TMOD1: variants seen among roughly 807,000 people sequenced by gnomAD.
The protein encoded by TMOD1 is tropomodulin 1, also known as tropomodulin-1.
A neutral mutation model predicts 40.6 loss-of-function variants in TMOD1; 17 were observed. That is an observed-to-expected ratio of 0.42 (90% CI 0.29 to 0.63). The LOEUF is 0.63. Ranked by LOEUF, TMOD1 falls within the 20% of genes least tolerant of loss-of-function variation. The pLI, the probability that TMOD1 is intolerant of heterozygous loss-of-function variation, is 0.22. For synonymous variants in TMOD1, 181 were observed against 175.0 expected (o/e 1.03, Z -0.27); for missense variants, 391 against 447.6 (o/e 0.87, Z 1.14).
At chr9:97,589,791 A>T (rs748261325) in intron 8 of TMOD1, among the ~76,000 whole-genome samples, 1 of 152,130 alleles carries the variant, frequency 6.6e-6, no homozygotes, top group Non-Finnish European at 1.5e-5. Flanking sequence ...TCTTGGAGGG[A>T]AAGCTTTCAG....
chr9:97,523,443 GAGA>G (rs1287435429), intron 1 of TMOD1, among the ~76,000 whole-genome samples: 3 of 152,214 alleles, frequency 2.0e-5, no homozygotes, highest in East Asian at 3.9e-4. Context: ...TGACTCCGCA[GAGA>G]AGGTCTGCAG....
chr9:97,553,507 A>G lies in TMOD1; in HGVS notation c.397+107A>G, dbSNP rs1830484441. 2.1e-6 allele frequency: 3 copies of G among 1,456,744 alleles called. No homozygotes were observed. The East Asian group carries it at 6.9e-5, about 34-fold the overall frequency. 90.2% of individuals were successfully genotyped at this position (1,456,744 alleles called of 1,614,324 possible). On this transcript the variant is annotated intron_variant, in intron 4 of 9. Coordinates refer to ENST00000259365, the MANE Select transcript of TMOD1 (RefSeq NM_003275.4). Reference sequence around the variant, plus strand: ...AGCATGAACACCTTCTCTATTTCTAACAAGAACTAGAGGAGACCGAGAGTG... The same window carrying G: ...AGCATGAACACCTTCTCTATTTCTAGCAAGAACTAGAGGAGACCGAGAGTG...
chr9:97,517,282 G>A (rs1469146770), intron 1 of TMOD1, among the ~76,000 whole-genome samples: 1 of 152,084 alleles, frequency 6.6e-6, no homozygotes, highest in Non-Finnish European at 1.5e-5. Context: ...CCTGGGAGCT[G>A]GAGGCTGCAA....
At chr9:97,547,173 T>C (rs779459359) in intron 3 of TMOD1, among the ~76,000 whole-genome samples, 1 of 152,072 alleles carries the variant, frequency 6.6e-6, no homozygotes, top group Non-Finnish European at 1.5e-5. Context: ...TCCCTGACCA[T>C]CCATTCTAAG....
intron 6 of TMOD1, 148 bp from the exon 7 acceptor site, chr9:97,565,700 G>A (rs973948053): frequency 5.7e-5 from 36 of 633,230 alleles, no homozygotes; most frequent in Middle Eastern, 3.8e-4. Context: ...GATTTCAGTC[G>A]TCCGGGACAA....
At chr9:97,521,735 G>A (rs1215444067) in intron 1 of TMOD1, among the ~76,000 whole-genome samples, 3 of 152,156 alleles carry the variant, frequency 2.0e-5, no homozygotes, top group Non-Finnish European at 4.4e-5. Context: ...ATGGCACTGA[G>A]GTTTCTGTAT....
At chr9:97,577,210 ACAGGCAGCTCACTACCTTAC>A (rs943762835) in intron 8 of TMOD1, among the ~76,000 whole-genome samples, 5 of 149,064 alleles carry the variant, frequency 3.4e-5, no homozygotes, top group African/African-American at 1.3e-4. Flanking sequence ...ACTTTCAGGC[ACAGGCAGCTCACTACCTTAC>A]CAGGCAGTTC....
chr9:97,585,856 C>T lies in TMOD1; in HGVS notation c.871-5435C>T, dbSNP rs916504949. On this transcript the variant is annotated intron_variant, in intron 8 of 9. Transcript: ENST00000259365. ...CTCGAGCCTTGGTTTTCAGCTCCAT[C>T]AGCTCCTTTAAGCACTTCTCTGTAT... Among the ~76,000 whole-genome samples, 280 of 137,482 alleles carry T rather than the reference C, an allele frequency of 2.0e-3. 5 individuals carry two copies. The highest frequency in any genetic ancestry group is 7.5e-3 in the African/African-American group (262 of 34,890). 90.2% of individuals were successfully genotyped at this position (137,482 alleles called of 152,430 possible).
intron 1 of TMOD1, among the ~76,000 whole-genome samples, chr9:97,506,724 C>T (rs1829597872): frequency 6.6e-6 from 1 of 152,188 alleles, no homozygotes; most frequent in Admixed American, 6.5e-5. Flanking sequence ...AGGAATTGTC[C>T]CAGGTCATCC....
At chr9:97,527,641 C>T (rs920289909) in intron 2 of TMOD1, among the ~76,000 whole-genome samples, 1 of 152,036 alleles carries the variant, frequency 6.6e-6, no homozygotes, top group African/African-American at 2.4e-5. Flanking sequence ...GGATAGATAA[C>T]GCGGGGGAAG....
At chr9:97,565,768 G>A in intron 6 of TMOD1, 80 bp from the exon 7 acceptor site, 2 of 1,124,438 alleles carry the variant, frequency 1.8e-6, no homozygotes, top group East Asian at 2.4e-5. Flanking sequence ...GAATCAGAGA[G>A]TAGCCAGGCT....
rs1455475711 is a variant in TMOD1 at position 97,513,030 on chromosome 9, A to C, written c.-48-11111A>C. ...GAGCTCCAGCATAAAACCAAGCAAG[A>C]CTGTCATTGCCCTTACTTTGGCACT... On this transcript the variant is annotated intron_variant, in intron 1 of 9. Coordinates refer to ENST00000259365, the MANE Select transcript of TMOD1 (RefSeq NM_003275.4). The surrounding 1 kb of genome is among the most constrained non-coding windows in gnomAD (Gnocchi z 4.1). The C allele has an allele frequency of 6.6e-6, 1 of 152,092 alleles. No homozygotes were observed. Among genetic ancestry groups the C allele is most frequent in the African/African-American group, 2.4e-5 (1 of 41,390 alleles). The allele number at this position is 152,092 out of a possible 1,614,324, so 9.4% of individuals were successfully genotyped here.
chr9:97,555,873 G>A (rs1830529383), intron 4 of TMOD1, among the ~76,000 whole-genome samples: 1 of 152,204 alleles, frequency 6.6e-6, no homozygotes, highest in Non-Finnish European at 1.5e-5. Flanking sequence ...TAGGGCCTAT[G>A]TGCAGCATCA....
chr9:97,515,729 C>T (rs1829794678), intron 1 of TMOD1, among the ~76,000 whole-genome samples: 1 of 152,114 alleles, frequency 6.6e-6, no homozygotes, highest in Non-Finnish European at 1.5e-5. Flanking sequence ...AGCTATTTTA[C>T]ACAGGGGATC....
intron 2 of TMOD1, 41 bp from the exon 3 acceptor site, chr9:97,546,144 C>G: frequency 6.4e-7 from 1 of 1,570,936 alleles, no homozygotes; most frequent in Non-Finnish European, 8.6e-7. Context: ...TTCTCTCTCT[C>G]TCTTTCTCTC....
intron 2 of TMOD1, among the ~76,000 whole-genome samples, chr9:97,532,093 C>T (rs1415304943): frequency 2.0e-5 from 3 of 152,190 alleles, no homozygotes; most frequent in Non-Finnish European, 4.4e-5. Flanking sequence ...TCCACAGGGC[C>T]GTGATTCTCC....
At chr9:97,582,481 A>G (rs1307677453) in intron 8 of TMOD1, among the ~76,000 whole-genome samples, 9 of 146,458 alleles carry the variant, frequency 6.1e-5, no homozygotes, top group South Asian at 2.2e-4. Context: ...TTGGCGATGC[A>G]GGCTCTTTTT....
intron 9 of TMOD1, among the ~76,000 whole-genome samples, chr9:97,592,737 C>A (rs997769824): frequency 1.3e-5 from 2 of 152,322 alleles, no homozygotes; most frequent in South Asian, 2.1e-4. Context: ...GGATTACACA[C>A]ACACACACAC....
chr9:97,551,033 T>A (rs866701586), intron 3 of TMOD1, among the ~76,000 whole-genome samples: 11,840 of 75,700 alleles, frequency 0.16, 786 homozygotes, highest in Middle Eastern at 0.28. Flanking sequence ...TTTTTTTTTT[T>A]TTTTTTTTTA....
Sources: allele counts gnomAD v4.1 joint callset (sites outside exome capture counted in the v4.1 genomes callset), GRCh38; gene constraint gnomAD v4.1.1; non-coding constraint Gnocchi (gnomAD v3.1); transcripts MANE v1.5; gene names NCBI Gene and HGNC (gene_info 2026-07-23, HGNC 2026-07-21).